Variants in GPC6 observed in about 807,000 individuals in gnomAD.
GPC6 encodes the protein glypican-6.
A neutral mutation model predicts 55.2 loss-of-function variants in GPC6; 14 were observed. The observed-to-expected ratio is 0.25, with a 90% CI of 0.17 to 0.40. The LOEUF (loss-of-function observed/expected upper bound fraction) is 0.40. Ranked by LOEUF, GPC6 falls within the 10% of genes least tolerant of loss-of-function variation. The pLI, the probability that GPC6 is intolerant of heterozygous loss-of-function variation, is 1.00. For missense variants in GPC6, 641 were observed against 708.5 expected (o/e 0.90, Z 1.08); for synonymous variants, 278 against 259.6 (o/e 1.07, Z -0.68).
intron 2 of GPC6, among the ~76,000 whole-genome samples, chr13:93,783,713 C>T (rs1015468368): frequency 6.6e-6 from 1 of 152,110 alleles, no homozygotes; most frequent in Admixed American, 6.6e-5. Context: ...ATACTGGAAC[C>T]CCCATCTTCT....
At chr13:94,013,693 G>A (rs1882343680) in intron 3 of GPC6, among the ~76,000 whole-genome samples, 1 of 152,178 alleles carries the variant, frequency 6.6e-6, no homozygotes, top group East Asian at 1.9e-4. Context: ...CTGAATCTAG[G>A]TGACACTGAA....
chr13:93,262,851 G>C (rs1877197618), intron 1 of GPC6, among the ~76,000 whole-genome samples: 1 of 152,140 alleles, frequency 6.6e-6, no homozygotes, highest in African/African-American at 2.4e-5. Context: ...TGATGCCATT[G>C]CAAGAAGGAG....
intron 1 of GPC6, among the ~76,000 whole-genome samples, chr13:93,411,243 T>C (rs918915341): frequency 6.6e-6 from 1 of 152,172 alleles, no homozygotes; most frequent in African/African-American, 2.4e-5. Context: ...ACACCATACC[T>C]GCTGTGTCTG....
chr13:94,374,065 C>A (rs993729952), intron 6 of GPC6, among the ~76,000 whole-genome samples: 1 of 151,856 alleles, frequency 6.6e-6, no homozygotes, highest in Non-Finnish European at 1.5e-5. Flanking sequence ...CTGAAGGAAG[C>A]GCTAAACATG....
intron 3 of GPC6, among the ~76,000 whole-genome samples, chr13:93,966,036 CCT>C (rs1880024668): frequency 6.6e-6 from 1 of 152,202 alleles, no homozygotes; most frequent in Admixed American, 6.5e-5. Flanking sequence ...CCACCATGAT[CCT>C]CTGACATAAA....
intron 3 of GPC6, among the ~76,000 whole-genome samples, chr13:93,942,362 C>T (rs1878780327): frequency 6.6e-6 from 1 of 152,178 alleles, no homozygotes; most frequent in Non-Finnish European, 1.5e-5. Context: ...CTCTGTCACC[C>T]AGGCTGGAGT....
At chr13:93,898,687 G>A (rs548155796) in intron 3 of GPC6, among the ~76,000 whole-genome samples, 2 of 151,872 alleles carry the variant, frequency 1.3e-5, no homozygotes, top group African/African-American at 4.8e-5. Flanking sequence ...TATTATCAGA[G>A]GGACATTTTC....
intron 6 of GPC6, among the ~76,000 whole-genome samples, chr13:94,361,515 GTTTC>G (rs1202827798): frequency 1.3e-5 from 2 of 152,218 alleles, no homozygotes; most frequent in South Asian, 2.1e-4. Context: ...TGCATTAGAT[GTTTC>G]TTGAAGTGAA....
intron 3 of GPC6, among the ~76,000 whole-genome samples, chr13:93,849,819 G>A (rs1244102586): frequency 6.6e-6 from 1 of 151,950 alleles, no homozygotes; most frequent in Admixed American, 6.6e-5. Context: ...CCTAGGTGTG[G>A]GTAAACAGAA....
At chr13:93,326,983 T>C (rs1386175600) in intron 1 of GPC6, among the ~76,000 whole-genome samples, 3 of 152,194 alleles carry the variant, frequency 2.0e-5, no homozygotes, top group Admixed American at 2.0e-4. Context: ...CACTGGTTGA[T>C]TGCCTCGCTA....
chr13:93,663,752 C>G (rs896514546), intron 2 of GPC6, among the ~76,000 whole-genome samples: 6 of 152,292 alleles, frequency 3.9e-5, no homozygotes, highest in Admixed American at 3.9e-4. Flanking sequence ...TAAAATGGGA[C>G]AAGTCACTTC....
chr13:94,327,983 G>A (rs1053938061), intron 6 of GPC6, among the ~76,000 whole-genome samples: 1 of 152,042 alleles, frequency 6.6e-6, no homozygotes, highest in African/African-American at 2.4e-5. Context: ...CTCCGATTTT[G>A]TTGGGAGAAA....
chr13:93,335,755 T>C (rs1181912055), intron 1 of GPC6, among the ~76,000 whole-genome samples: 2 of 152,174 alleles, frequency 1.3e-5, no homozygotes, highest in Non-Finnish European at 2.9e-5. Flanking sequence ...CTGTGGGCAT[T>C]TGAGTTTCTG....
intron 3 of GPC6, among the ~76,000 whole-genome samples, chr13:93,872,713 A>G (rs1489997861): frequency 6.6e-6 from 1 of 151,850 alleles, no homozygotes; most frequent in Non-Finnish European, 1.5e-5. Flanking sequence ...CAGGATCCTT[A>G]ATTTTTTCAC....
intron 3 of GPC6, among the ~76,000 whole-genome samples, chr13:93,854,100 T>G (rs1404038586): frequency 2.6e-5 from 4 of 151,518 alleles, no homozygotes; most frequent in Non-Finnish European, 5.9e-5. Flanking sequence ...TATGCAAAGG[T>G]TGGGGTGTTT....
chr13:93,676,318 GA>G (rs1881632005), intron 2 of GPC6, among the ~76,000 whole-genome samples: 1 of 151,442 alleles, frequency 6.6e-6, no homozygotes, highest in African/African-American at 2.4e-5. Flanking sequence ...TCAGGAGTCT[GA>G]GGCAGGAGAA....
intron 2 of GPC6, among the ~76,000 whole-genome samples, chr13:93,788,223 G>A (rs1409083727): frequency 6.6e-6 from 1 of 152,078 alleles, no homozygotes; most frequent in African/African-American, 2.4e-5. Flanking sequence ...TTCCAATATG[G>A]TGCGTTGATA....
At chr13:93,823,937 T>C (rs951238808) in intron 2 of GPC6, among the ~76,000 whole-genome samples, 2 of 152,162 alleles carry the variant, frequency 1.3e-5, no homozygotes, top group Non-Finnish European at 2.9e-5. Context: ...GTGTGAATTA[T>C]GAGATGCAGA....
intron 3 of GPC6, among the ~76,000 whole-genome samples, chr13:93,871,450 T>C (rs1181175685): frequency 6.6e-6 from 1 of 152,000 alleles, no homozygotes; most frequent in Non-Finnish European, 1.5e-5. Flanking sequence ...TAGAGGATAA[T>C]CAGTTGTCCT....
Sources: allele counts gnomAD v4.1 joint callset (sites outside exome capture counted in the v4.1 genomes callset), GRCh38; gene constraint gnomAD v4.1.1; transcripts MANE v1.5; gene names NCBI Gene and HGNC (gene_info 2026-07-23, HGNC 2026-07-21).